Variants in TNS3 observed in about 807,000 individuals in gnomAD.
TNS3 encodes the protein tensin 3.
TNS3 carries 45 observed loss-of-function variants against 140.9 expected under a neutral mutation model. The ratio of observed to expected loss-of-function variants is 0.32; its 90% CI spans 0.25 to 0.41. The LOEUF (loss-of-function observed/expected upper bound fraction) is 0.41. TNS3 is among the 10% of genes least tolerant of loss of function. The pLI is 1.00. For synonymous variants in TNS3, 815 were observed against 788.4 expected (o/e 1.03, Z -0.56); for missense variants, 1,716 against 1,906.7 (o/e 0.90, Z 1.86).
At chr7:47,466,678 G>T (rs1584721796) in intron 4 of TNS3, among the ~76,000 whole-genome samples, 1 of 152,228 alleles carries the variant, frequency 6.6e-6, no homozygotes, top group East Asian at 1.9e-4. Context: ...TGTACTTCCT[G>T]CAAGGAGGCT....
At chr7:47,556,544 CA>C (rs1800200879) in intron 1 of TNS3, among the ~76,000 whole-genome samples, 1 of 152,148 alleles carries the variant, frequency 6.6e-6, no homozygotes, top group Non-Finnish European at 1.5e-5. Flanking sequence ...CCCTTAGGCC[CA>C]ATCCACAGGC....
chr7:47,467,747 C>A (rs1240366945), intron 4 of TNS3, among the ~76,000 whole-genome samples: 3 of 152,088 alleles, frequency 2.0e-5, no homozygotes, highest in African/African-American at 7.2e-5. Flanking sequence ...AGCCAAGCAA[C>A]CCCCATATTT....
intron 4 of TNS3, among the ~76,000 whole-genome samples, chr7:47,451,226 G>C (rs1795998690): frequency 6.6e-6 from 1 of 152,204 alleles, no homozygotes; most frequent in South Asian, 2.1e-4. Flanking sequence ...CCCAGGGCCT[G>C]TGCGCTGCTC....
chr7:47,548,611 T>A (rs1215083528), intron 1 of TNS3, among the ~76,000 whole-genome samples: 1 of 152,198 alleles, frequency 6.6e-6, no homozygotes, highest in Admixed American at 6.5e-5. Flanking sequence ...GTCCTGCCTT[T>A]GCCTCCTTTG....
At chr7:47,367,925 C>G (rs1790802607) in intron 17 of TNS3, among the ~76,000 whole-genome samples, 1 of 152,216 alleles carries the variant, frequency 6.6e-6, no homozygotes, top group African/African-American at 2.4e-5. Context: ...TCTTCATCCC[C>G]AACCTTCAGC....
chr7:47,577,253 C>G (rs1800696658), intron 1 of TNS3, among the ~76,000 whole-genome samples: 1 of 152,198 alleles, frequency 6.6e-6, no homozygotes, highest in Non-Finnish European at 1.5e-5. Context: ...AAAGATTCTT[C>G]TGATATCTTA....
chr7:47,469,978 A>AAAAAAAAAAAAAAAAAAAAAAAAG (rs1388230655), intron 4 of TNS3, among the ~76,000 whole-genome samples: 1 of 149,614 alleles, frequency 6.7e-6, no homozygotes. Context: ...TGTCTCAAAA[A>AAAAAAAAAAAAAAAAAAAAAAAAG]AAAAAAAAAA....
At chr7:47,312,435 G>A (rs570620082) in intron 20 of TNS3, among the ~76,000 whole-genome samples, 38 of 152,086 alleles carry the variant, frequency 2.5e-4, no homozygotes, top group Middle Eastern at 6.8e-3. Flanking sequence ...TGGGTGCGGC[G>A]GGTCATGCCT....
rs1167454390 is a variant in TNS3 at position 47,389,080 on chromosome 7, A to AGAAGAGGAAGAGGAAGAG, written c.1024+7702_1024+7719dup. On this transcript the variant is annotated intron_variant, in intron 16 of 30. Transcript: ENST00000311160. ...AAGAAGAAGAAGAAGAAGAAGAAGA[A>AGAAGAGGAAGAGGAAGAG]GAAGAGGAAGAGGAAGAGGAAGCGG... Among the ~76,000 whole-genome samples, 14 of 65,850 alleles carry AGAAGAGGAAGAGGAAGAG rather than the reference A, an allele frequency of 2.1e-4. 1 individual carries two copies. The highest frequency in any genetic ancestry group is 1.3e-3 in the South Asian group (2 of 1,568). The allele number at this position is 65,850 out of a possible 152,430, so 43.2% of individuals were successfully genotyped here.
At chr7:47,460,171 CCACTG>C (rs1219867049) in intron 4 of TNS3, among the ~76,000 whole-genome samples, 11 of 148,948 alleles carry the variant, frequency 7.4e-5, no homozygotes, top group Middle Eastern at 3.5e-3. Flanking sequence ...CGAGATCGCA[CCACTG>C]CACTCCAGCC....
intron 27 of TNS3, among the ~76,000 whole-genome samples, chr7:47,288,567 C>T (rs557881557): frequency 2.0e-5 from 3 of 152,304 alleles, no homozygotes; most frequent in African/African-American, 7.2e-5. Context: ...ACAGTAAATT[C>T]CTGCATCCTT....
At chr7:47,467,525 A>T (rs1796770325) in intron 4 of TNS3, among the ~76,000 whole-genome samples, 1 of 152,192 alleles carries the variant, frequency 6.6e-6, no homozygotes, top group African/African-American at 2.4e-5. Flanking sequence ...AGCAGCTATG[A>T]GGACCAGGAG....
chr7:47,361,218 A>AAAAAAAAAAAAAAAAAAAAAG (rs1790306462), intron 17 of TNS3, among the ~76,000 whole-genome samples: 1 of 147,728 alleles, frequency 6.8e-6, no homozygotes, highest in Non-Finnish European at 1.5e-5. Flanking sequence ...AAAAAAAAAA[A>AAAAAAAAAAAAAAAAAAAAAG]AAAAAACAAG....
At chr7:47,410,662 T>C (rs1793718785) in intron 13 of TNS3, among the ~76,000 whole-genome samples, 1 of 152,204 alleles carries the variant, frequency 6.6e-6, no homozygotes, top group African/African-American at 2.4e-5. Flanking sequence ...ATCTAGGGGT[T>C]ACAGGGAAAT....
intron 17 of TNS3, among the ~76,000 whole-genome samples, chr7:47,367,429 C>T (rs769051925): frequency 2.6e-5 from 4 of 152,194 alleles, no homozygotes; most frequent in Admixed American, 6.5e-5. Context: ...CCCATTACAT[C>T]GATGCAGCTT....
Position 47,415,104 on chromosome 7 carries a change from G to A in TNS3, c.576C>T (p.Asp192=), listed in dbSNP as rs755240578. Residue 192 remains aspartate, a synonymous_variant, in exon 11 of 31, where the codon GAC becomes GAT. Transcript: ENST00000311160. ...ATAGGGGACACTCACCTCCACCTGTGTCGAAGTTGGGGGTGCCGTGGAGGA... is the reference window on the plus strand; with the variant it reads ...ATAGGGGACACTCACCTCCACCTGTATCGAAGTTGGGGGTGCCGTGGAGGA... The part of the protein sequence containing the change: ...FVILHGTPNF[D]TGGVCRPFLK... 6 of 1,611,640 alleles carry A rather than the reference G, an allele frequency of 3.7e-6. No individual in the cohort carries two copies. In the East Asian group the frequency reaches 1.3e-4, roughly 36 times the overall value.
intron 4 of TNS3, among the ~76,000 whole-genome samples, chr7:47,463,238 A>C (rs1268181365): frequency 6.6e-6 from 1 of 152,162 alleles, no homozygotes; most frequent in African/African-American, 2.4e-5. Flanking sequence ...TGAGGTCAGG[A>C]GTTCGAGACC....
At chr7:47,475,729 A>G (rs1797171441) in intron 4 of TNS3, among the ~76,000 whole-genome samples, 2 of 152,236 alleles carry the variant, frequency 1.3e-5, no homozygotes, top group Non-Finnish European at 2.9e-5. Flanking sequence ...GAAAAAAACA[A>G]GGACACTCTG....
At chr7:47,352,799 GC>G (rs1349337369) in intron 17 of TNS3, among the ~76,000 whole-genome samples, 1 of 152,172 alleles carries the variant, frequency 6.6e-6, no homozygotes, top group African/African-American at 2.4e-5. Context: ...GACTAGCCCA[GC>G]CCCTGGGTCC....
Sources: allele counts gnomAD v4.1 joint callset (sites outside exome capture counted in the v4.1 genomes callset), GRCh38; gene constraint gnomAD v4.1.1; transcripts MANE v1.5; gene names NCBI Gene and HGNC (gene_info 2026-07-23, HGNC 2026-07-21).